GLMP: variants seen among roughly 807,000 people sequenced by gnomAD.
GLMP encodes glycosylated lysosomal membrane protein.
Under a neutral mutation model 39.2 loss-of-function variants are expected in GLMP, and 36 were observed. That is an observed-to-expected ratio of 0.92 (90% CI 0.70 to 1.21). The LOEUF is 1.21. Ranked by LOEUF, GLMP falls within the 50% of genes most tolerant of loss-of-function variation. The pLI is 0.00. For missense variants in GLMP, 454 were observed against 505.6 expected (o/e 0.90, Z 0.98); for synonymous variants, 220 against 218.9 (o/e 1.01, Z -0.04).
At position 156,293,199 on chromosome 1, in the gene GLMP, G is replaced by A. The variant is rs1663422954; in HGVS notation, c.1066C>T (p.Leu356=). 6.2e-7 allele frequency: 1 copy of A among 1,613,310 alleles called. No individual in the cohort carries two copies. Among genetic ancestry groups the A allele is most frequent in the African/African-American group, 1.3e-5 (1 of 74,830 alleles). The change falls in exon 6 of 6, where the codon CTG becomes TTG. Residue 356 remains leucine (L), a synonymous_variant. Coordinates refer to ENST00000362007, the MANE Select transcript of GLMP (RefSeq NM_144580.3). Reference sequence around the variant, plus strand: ...TCCACTGGAGGGAAGCCCACACCCAGGAGCATCGACCTAGAGCAAGCAGAG... The same window carrying A: ...TCCACTGGAGGGAAGCCCACACCCAAGAGCATCGACCTAGAGCAAGCAGAG... ...DQHYLSWSML[L]GVGFPPVDGL... is the part of the protein sequence containing the mutation.
chr1:156,293,911 G>C lies in GLMP; in HGVS notation c.798+107C>G. ...TTAGCACAGTGCCTAGCTCTTAAACGACCCAAAGAAAGTGTTGCTAAATGG... is the reference window on the plus strand; with the variant it reads ...TTAGCACAGTGCCTAGCTCTTAAACCACCCAAAGAAAGTGTTGCTAAATGG... On this transcript the variant is annotated intron_variant, in intron 4 of 5. Coordinates refer to ENST00000362007, the MANE Select transcript of GLMP (RefSeq NM_144580.3). 3 of 1,382,988 alleles carry C rather than the reference G, an allele frequency of 2.2e-6. 1 individual carries two copies. The South Asian group carries it at 3.6e-5, about 17-fold the overall frequency. The allele number at this position is 1,382,988 out of a possible 1,614,324, so 85.7% of individuals were successfully genotyped here.
intron 1 of GLMP, 111 bp downstream of exon 1, chr1:156,295,415 C>G: frequency 7.1e-7 from 1 of 1,412,322 alleles, no homozygotes; most frequent in South Asian, 1.6e-5. Flanking sequence ...GTTGAAGAAC[C>G]CTCCTCTTGG....
At chr1:156,295,409 A>C in intron 1 of GLMP, 117 bp downstream of exon 1, 1 of 1,412,630 alleles carries the variant, frequency 7.1e-7, no homozygotes, top group Non-Finnish European at 9.2e-7. Context: ...CTCCAGGTTG[A>C]AGAACCCTCC....
In GLMP at chr1:156,293,105, C is replaced by T. The variant is rs375912219; in HGVS notation, c.1160G>A (p.Gly387Glu). Residue 387 changes from glycine to glutamate, a missense_variant, in exon 6 of 6, where the codon GGG becomes GAG. Gly to Glu is a moderately conservative substitution (Grantham distance 98, BLOSUM62 -2). Coordinates refer to ENST00000362007, the MANE Select transcript of GLMP (RefSeq NM_144580.3). ...ALGAPGLMLL[G>E]GGLVLLLHHK... Reference sequence around the variant, plus strand: ...GTGCAGCAGCAGAACCAAGCCGCCCCCTAGCAGCATGAGCCCTGGGGCACC... The same window carrying T: ...GTGCAGCAGCAGAACCAAGCCGCCCTCTAGCAGCATGAGCCCTGGGGCACC... 5.6e-6 allele frequency: 9 copies of T among 1,613,998 alleles called. No individual in the cohort carries two copies. In the African/African-American group the frequency reaches 8.0e-5, roughly 14 times the overall value.
rs1467708899 is a variant in GLMP at position 156,294,761 on chromosome 1, T to C, written c.376A>G (p.Arg126Gly). The C allele has an allele frequency of 1.3e-6, 2 of 1,549,154 alleles. No individual in the cohort carries two copies. Among genetic ancestry groups the C allele is most frequent in the South Asian group, 1.2e-5 (1 of 81,048 alleles). ...IQFSSALVFT[R>G]LLEFDSTNVS... ...TGGTTCTCTCCCAACCTCCTCACCC[T>C]GGTAAAAACAAGGGCAGAAGAAAAC... Residue 126 changes from arginine (R) to glycine (G), a missense_variant and splice_region_variant, in exon 2 of 6, where the codon AGG becomes GGG. By Grantham distance (125) the Arg-to-Gly change is moderately radical. Coordinates refer to ENST00000362007, the MANE Select transcript of GLMP (RefSeq NM_144580.3).
rs1047479497 is a variant in GLMP, at chr1:156,292,942, G to A, written c.*102C>T. 5.6e-6 allele frequency: 8 copies of A among 1,437,202 alleles called. No homozygotes were observed. In the South Asian group the frequency reaches 6.8e-5, roughly 12 times the overall value. The allele number at this position is 1,437,202 out of a possible 1,614,324, so 89.0% of individuals were successfully genotyped here. A position where few individuals can be genotyped will look rare whatever the true frequency, so the allele number is the denominator to read the frequency against. ...CTGAGGTTCCACAGAAAAGCAAGAT[G>A]GGGGAGTGAAGGGGCCGGCTGGAAC... On this transcript the variant is annotated 3_prime_UTR_variant, in exon 6 of 6. Transcript: ENST00000362007.
chr1:156,294,635 C>T (rs757521230), intron 2 of GLMP, 70 bp from the exon 3 acceptor site: 1 of 1,601,378 alleles, frequency 6.2e-7, no homozygotes. Context: ...CTCCCACTCA[C>T]CCCCTACCAA....
At position 156,292,913 on chromosome 1, in the gene GLMP, GCCTCTGAGGT is replaced by G. The variant is rs1254930202; in HGVS notation, c.*121_*130del. The G allele has an allele frequency of 8.1e-6, 10 of 1,241,320 alleles. No homozygotes were observed. Among genetic ancestry groups the G allele is most frequent in the Non-Finnish European group, 1.0e-5 (9 of 892,170 alleles). The allele number at this position is 1,241,320 out of a possible 1,614,324, so 76.9% of individuals were successfully genotyped here. ...GGGGGTCTCCAGGAAGTCGAGGCTG[GCCTCTGAGGT>G]TCCACAGAAAAGCAAGATGGGGGAG... On this transcript the variant is annotated 3_prime_UTR_variant, in exon 6 of 6. Coordinates refer to ENST00000362007, the MANE Select transcript of GLMP (RefSeq NM_144580.3).
Position 156,295,640 on chromosome 1 carries a change from G to C in GLMP, c.6C>G (p.Arg2=). The C allele has an allele frequency of 6.4e-7, 1 of 1,552,710 alleles. No homozygotes were observed. The change falls in exon 1 of 6, where the codon CGC becomes CGG. Residue 2 remains arginine (R), a synonymous_variant. Coordinates refer to ENST00000362007, the MANE Select transcript of GLMP (RefSeq NM_144580.3). M[R]GSVECTWGWG... is the part of the protein sequence containing the mutation. ...AACCCCAGGTGCACTCCACAGAGCCGCGCATACGGCCGCAATTCAGCCGAC... is the reference window on the plus strand; with the variant it reads ...AACCCCAGGTGCACTCCACAGAGCCCCGCATACGGCCGCAATTCAGCCGAC...
chr1:156,293,838 T>C, intron 4 of GLMP, 180 bp downstream of exon 4: 1 of 1,201,556 alleles, frequency 8.3e-7, no homozygotes, highest in Non-Finnish European at 1.2e-6. Context: ...TAAGTCATAT[T>C]GCACTTTCTG....
rs200899889 is a variant in GLMP at position 156,293,422 on chromosome 1, A to G, written c.953T>C (p.Ile318Thr). 3 of 1,614,176 alleles carry G rather than the reference A, an allele frequency of 1.9e-6. No individual in the cohort carries two copies. The highest frequency in any genetic ancestry group is 2.2e-5 in the East Asian group (1 of 44,888). ...CTGGGACCCAAAGAAGGCTCGGACAATGGGTGACTGGGGAAGAGAGTATGC... is the reference window on the plus strand; with the variant it reads ...CTGGGACCCAAAGAAGGCTCGGACAGTGGGTGACTGGGGAAGAGAGTATGC... ...ALAYSLPQSPIVRAFFGSQNN... is the reference protein window; with the variant it reads ...ALAYSLPQSPTVRAFFGSQNN... The change falls in exon 5 of 6, where the codon ATT becomes ACT. Residue 318 changes from isoleucine to threonine, a missense_variant. By Grantham distance (89) the Ile-to-Thr change is moderately conservative. Coordinates refer to ENST00000362007, the MANE Select transcript of GLMP (RefSeq NM_144580.3).
chr1:156,293,087 A>G lies in GLMP; in HGVS notation c.1178T>C (p.Leu393Pro). Residue 393 changes from leucine (L) to proline (P), a missense_variant, in exon 6 of 6, where the codon CTG becomes CCG. Coordinates refer to ENST00000362007, the MANE Select transcript of GLMP (RefSeq NM_144580.3). ...CTCTGAGTACTTCTTGTGGTGCAGCAGCAGAACCAAGCCGCCCCCTAGCAG... is the reference window on the plus strand; with the variant it reads ...CTCTGAGTACTTCTTGTGGTGCAGCGGCAGAACCAAGCCGCCCCCTAGCAG... ...LMLLGGGLVL[L>P]LHHKKYSEYQ... The G allele has an allele frequency of 6.2e-7, 1 of 1,614,124 alleles. No homozygotes were observed. Among genetic ancestry groups the G allele is most frequent in the South Asian group, 1.1e-5 (1 of 91,082 alleles).
rs377594661 is a variant in GLMP, at chr1:156,294,418, G to A, written c.526C>T (p.His176Tyr). Residue 176 changes from histidine (H) to tyrosine (Y), a missense_variant, in exon 3 of 6, where the codon CAC (histidine) becomes TAC (tyrosine). Coordinates refer to ENST00000362007, the MANE Select transcript of GLMP (RefSeq NM_144580.3). ...PATLSATFQG[H>Y]PMNDPTRTFA... Reference sequence around the variant, plus strand: ...GTCCTGGTAGGGTCGTTCATGGGGTGGCCTTGAAATGTGGCACTCAGGGTG... The same window carrying A: ...GTCCTGGTAGGGTCGTTCATGGGGTAGCCTTGAAATGTGGCACTCAGGGTG... 5.6e-6 allele frequency: 9 copies of A among 1,614,072 alleles called. No homozygotes were observed. In the African/African-American group the frequency reaches 1.2e-4, roughly 22 times the overall value.
chr1:156,293,319 C>T lies in GLMP; in HGVS notation c.1055+1G>A, dbSNP rs1404452571. 1 of 1,614,020 alleles carries T rather than the reference C, an allele frequency of 6.2e-7. No individual in the cohort carries two copies. Among genetic ancestry groups the T allele is most frequent in the African/African-American group, 1.3e-5 (1 of 74,930 alleles). On this transcript the variant is annotated splice_donor_variant, in intron 5 of 5. Transcript: ENST00000362007. LOFTEE classifies it high-confidence loss of function. ...TCCCCGGCCCAAACCCTGGCTCTCA[C>T]CAGCTGAGGTAGTGTTGGTCCCAAT... is the stretch of plus-strand genomic sequence containing the variant.
At position 156,294,526 on chromosome 1, in the gene GLMP, C is replaced by G; in HGVS notation, c.418G>C (p.Ala140Pro). 1 of 1,614,076 alleles carries G rather than the reference C, an allele frequency of 6.2e-7. No individual in the cohort carries two copies. Among genetic ancestry groups the G allele is most frequent in the Non-Finnish European group, 8.5e-7 (1 of 1,180,018 alleles). ...GGATATGGTCTTCCCAAAGGCTTTG[C>G]TGCCGTATCGGACACGTTGGTGCTG... The part of the protein sequence containing the change: ...FDSTNVSDTA[A>P]KPLGRPYPPY... Residue 140 changes from alanine to proline, a missense_variant, in exon 3 of 6, where the codon GCA becomes CCA. Transcript: ENST00000362007.
At chr1:156,293,299 G>C in intron 5 of GLMP, 21 bp downstream of exon 5, 1 of 1,613,728 alleles carries the variant, frequency 6.2e-7, no homozygotes, top group South Asian at 1.1e-5. Context: ...CCAAGTCCCC[G>C]GCCCAAACCC....
At chr1:156,295,184 G>A in intron 1 of GLMP, 168 bp from the exon 2 acceptor site, 1 of 982,742 alleles carries the variant, frequency 1.0e-6, no homozygotes, top group Non-Finnish European at 1.4e-6. Flanking sequence ...GGGGTAAGGG[G>A]CAGTGGGGAC....
Position 156,295,539 on chromosome 1 carries a change from T to A in GLMP, c.107A>T (p.Glu36Val). 1 of 1,523,536 alleles carries A rather than the reference T, an allele frequency of 6.6e-7. No individual in the cohort carries two copies. The highest frequency in any genetic ancestry group is 8.8e-7 in the Non-Finnish European group (1 of 1,139,442). The allele number at this position is 1,523,536 out of a possible 1,614,324, so 94.4% of individuals were successfully genotyped here. A position where few individuals can be genotyped will look rare whatever the true frequency, so the allele number is the denominator to read the frequency against. ...CAGGGCCCTCACCTGGCGGGTCTTCTCCCCCAGCAGGCCAAATGGGGCTGC... is the reference window on the plus strand; with the variant it reads ...CAGGGCCCTCACCTGGCGGGTCTTCACCCCCAGCAGGCCAAATGGGGCTGC... Reference protein sequence around the residue: ...LFAAPFGLLGEKTRQVSLEVI... With the variant: ...LFAAPFGLLGVKTRQVSLEVI... The change falls in exon 1 of 6, where the codon GAG becomes GTG. Residue 36 changes from glutamate (E) to valine (V), a missense_variant. By Grantham distance (121) the Glu-to-Val change is moderately radical. Coordinates refer to ENST00000362007, the MANE Select transcript of GLMP (RefSeq NM_144580.3).
chr1:156,294,317 C>A, intron 3 of GLMP, 48 bp downstream of exon 3: 1 of 1,606,350 alleles, frequency 6.2e-7, no homozygotes, highest in Non-Finnish European at 8.5e-7. Flanking sequence ...TAAATCCCAC[C>A]CTCACAAATC....
Sources: allele counts gnomAD v4.1 joint callset, GRCh38; gene constraint gnomAD v4.1.1; transcripts MANE v1.5; gene names NCBI Gene and HGNC (gene_info 2026-07-23, HGNC 2026-07-21).